The following RALYL variants were observed in gnomAD, a reference collection of about 807,000 sequenced individuals.
RALYL encodes RNA-binding Raly-like protein.
RALYL carries 29 observed loss-of-function variants against 35.1 expected under a neutral mutation model. That is an observed-to-expected ratio of 0.83 (90% CI 0.61 to 1.13). The LOEUF is 1.13. Ranked by LOEUF, RALYL falls within the 50% of genes most tolerant of loss-of-function variation. RALYL has a pLI of 0.00. For synonymous variants in RALYL, 120 were observed against 127.6 expected (o/e 0.94, Z 0.40); for missense variants, 359 against 360.4 (o/e 1.00, Z 0.03).
chr8:84,324,680 A>G (rs77524264), intron 1 of RALYL, among the ~76,000 whole-genome samples: 3 of 151,992 alleles, frequency 2.0e-5, no homozygotes, highest in African/African-American at 7.2e-5. Context: ...ACATTATTTA[A>G]TAGTACTATT....
chr8:84,867,850 G>C (rs914308296), intron 6 of RALYL, among the ~76,000 whole-genome samples: 17 of 152,176 alleles, frequency 1.1e-4, no homozygotes, highest in Admixed American at 3.3e-4. Flanking sequence ...ATAGACATGA[G>C]CCCTGAGGAA....
intron 1 of RALYL, among the ~76,000 whole-genome samples, chr8:84,470,734 C>G (rs571701397): frequency 2.6e-5 from 4 of 152,146 alleles, no homozygotes; most frequent in Non-Finnish European, 5.9e-5. Flanking sequence ...AGTTTGTGTT[C>G]CAGAGCCTGC....
intron 2 of RALYL, among the ~76,000 whole-genome samples, chr8:84,586,079 C>T: frequency 6.6e-6 from 1 of 151,780 alleles, no homozygotes; most frequent in Admixed American, 6.6e-5. Context: ...CCTGTAATCC[C>T]AGCTACTCAG....
chr8:84,504,673 G>C (rs1407803173), intron 1 of RALYL, among the ~76,000 whole-genome samples: 1 of 152,120 alleles, frequency 6.6e-6, no homozygotes, highest in Non-Finnish European at 1.5e-5. Context: ...CTGAAAAGAT[G>C]TCCATATTAC....
chr8:84,356,956 T>C lies in RALYL; in HGVS notation c.-23-172343T>C, dbSNP rs181996397. Among the ~76,000 whole-genome samples, 313 of 152,158 alleles carry C rather than the reference T, an allele frequency of 2.1e-3. 1 individual carries two copies. The highest frequency in any genetic ancestry group is 3.6e-3 in the Non-Finnish European group (244 of 67,954). On this transcript the variant is annotated intron_variant, in intron 1 of 8. Coordinates refer to ENST00000521268, the MANE Select transcript of RALYL (RefSeq NM_173848.7). ...ATCACAACAAACACAGCAGCAGTGATGCAGACTGATATATTTTTGCTGTAA... is the reference window on the plus strand; with the variant it reads ...ATCACAACAAACACAGCAGCAGTGACGCAGACTGATATATTTTTGCTGTAA...
chr8:84,471,011 A>G (rs1470330115), intron 1 of RALYL, among the ~76,000 whole-genome samples: 1 of 152,138 alleles, frequency 6.6e-6, no homozygotes, highest in Non-Finnish European at 1.5e-5. Context: ...TTGGAGTCAT[A>G]TGTTCATCAT....
At chr8:84,468,244 G>A (rs1432378714) in intron 1 of RALYL, among the ~76,000 whole-genome samples, 1 of 151,892 alleles carries the variant, frequency 6.6e-6, no homozygotes, top group African/African-American at 2.4e-5. Flanking sequence ...AGTCTCGATG[G>A]TCTTTACATT....
chr8:84,606,819 T>C (rs989484957), intron 2 of RALYL, among the ~76,000 whole-genome samples: 34 of 152,262 alleles, frequency 2.2e-4, no homozygotes, highest in Admixed American at 2.0e-3. Flanking sequence ...CATACATATA[T>C]TTGTTTAAGG....
At chr8:84,384,124 A>G (rs891327879) in intron 1 of RALYL, among the ~76,000 whole-genome samples, 3 of 151,720 alleles carry the variant, frequency 2.0e-5, no homozygotes, top group Non-Finnish European at 2.9e-5. Flanking sequence ...CCTTTGTATC[A>G]AGAAGAGTAA....
At position 84,729,499 on chromosome 8, in the gene RALYL, C is replaced by G. The variant is rs536214659; in HGVS notation, c.257-45080C>G. On this transcript the variant is annotated intron_variant, in intron 2 of 8. Coordinates refer to ENST00000521268, the MANE Select transcript of RALYL (RefSeq NM_173848.7). ...CTAGAAAAGCAAGAGCAAACACATT[C>G]AAAAGCTAGCAGAAGGCAAGAAATA... Among the ~76,000 whole-genome samples the G allele has an allele frequency of 3.1e-3, 466 of 152,066 alleles. 1 individual carries two copies. The highest frequency in any genetic ancestry group is 6.2e-3 in the South Asian group (30 of 4,812).
rs778724016 is a variant in RALYL at position 84,883,626 on chromosome 8, A to G, written c.686-3978A>G. 2.0e-5 allele frequency among the ~76,000 whole-genome samples: 3 copies of G among 152,018 alleles called. No individual in the cohort carries two copies. The South Asian group carries it at 6.2e-4, about 31-fold the overall frequency. ...TCCCACTGGGTTCTTCCAACAACACATGGGTATTATGGGAGCTACAATTCA... is the reference window on the plus strand; with the variant it reads ...TCCCACTGGGTTCTTCCAACAACACGTGGGTATTATGGGAGCTACAATTCA... On this transcript the variant is annotated intron_variant, in intron 7 of 8. Coordinates refer to ENST00000521268, the MANE Select transcript of RALYL (RefSeq NM_173848.7).
At chr8:84,579,562 G>T (rs1810358287) in intron 2 of RALYL, among the ~76,000 whole-genome samples, 1 of 152,204 alleles carries the variant, frequency 6.6e-6, no homozygotes, top group Non-Finnish European at 1.5e-5. Flanking sequence ...GTTCCAGACA[G>T]GGCTGGCATC....
At chr8:84,424,036 G>C (rs1293549167) in intron 1 of RALYL, among the ~76,000 whole-genome samples, 1 of 151,876 alleles carries the variant, frequency 6.6e-6, no homozygotes, top group East Asian at 1.9e-4. Context: ...TCTTGGAGTT[G>C]CTCTTCTTGA....
At chr8:84,641,212 C>T (rs1237596111) in intron 2 of RALYL, among the ~76,000 whole-genome samples, 2 of 151,166 alleles carry the variant, frequency 1.3e-5, no homozygotes, top group Non-Finnish European at 3.0e-5. Flanking sequence ...TTTATTTTTA[C>T]CTTTTTTAAA....
intron 5 of RALYL, among the ~76,000 whole-genome samples, chr8:84,851,343 CTTT>C (rs1835827778): frequency 6.6e-6 from 1 of 152,084 alleles, no homozygotes; most frequent in Non-Finnish European, 1.5e-5. Flanking sequence ...AAAGTTTGGA[CTTT>C]ATTAAATTAC....
At chr8:84,288,376 A>G (rs1356546013) in intron 1 of RALYL, among the ~76,000 whole-genome samples, 1 of 152,052 alleles carries the variant, frequency 6.6e-6, no homozygotes, top group Non-Finnish European at 1.5e-5. Context: ...AATATCTGTC[A>G]TGTCATCATT....
intron 3 of RALYL, among the ~76,000 whole-genome samples, chr8:84,796,333 A>C (rs1821899938): frequency 6.6e-6 from 1 of 152,224 alleles, no homozygotes; most frequent in Non-Finnish European, 1.5e-5. Flanking sequence ...TTTTCAGGTT[A>C]GGGGACAAGA....
At chr8:84,278,859 G>A (rs1226208156) in intron 1 of RALYL, among the ~76,000 whole-genome samples, 1 of 152,138 alleles carries the variant, frequency 6.6e-6, no homozygotes, top group Non-Finnish European at 1.5e-5. Flanking sequence ...ACATCTTCCT[G>A]TCCTCTTCTG....
intron 1 of RALYL, among the ~76,000 whole-genome samples, chr8:84,445,737 A>C (rs1435812616): frequency 6.6e-6 from 1 of 151,702 alleles, no homozygotes; most frequent in Non-Finnish European, 1.5e-5. Flanking sequence ...ATGTGTTTGC[A>C]TTAATTGAAA....
Sources: allele counts gnomAD v4.1 joint callset (sites outside exome capture counted in the v4.1 genomes callset), GRCh38; gene constraint gnomAD v4.1.1; transcripts MANE v1.5; gene names NCBI Gene and HGNC (gene_info 2026-07-23, HGNC 2026-07-21).